The following DNER variants were observed in gnomAD, a reference collection of about 807,000 sequenced individuals.
DNER encodes the protein delta and Notch-like epidermal growth factor-related receptor.
DNER carries 33 observed loss-of-function variants against 78.2 expected under a neutral mutation model. That is an observed-to-expected ratio of 0.42 (90% CI 0.32 to 0.56). The LOEUF is 0.56. Ranked by LOEUF, DNER falls within the 20% of genes least tolerant of loss-of-function variation. The pLI, the probability that DNER is intolerant of heterozygous loss-of-function variation, is 0.11. For synonymous variants in DNER, 417 were observed against 384.8 expected (o/e 1.08, Z -0.98); for missense variants, 918 against 975.3 (o/e 0.94, Z 0.78).
intron 5 of DNER, among the ~76,000 whole-genome samples, chr2:229,526,988 G>T (rs1189974586): frequency 6.6e-6 from 1 of 151,914 alleles, no homozygotes; most frequent in Non-Finnish European, 1.5e-5. Context: ...TACGGTCCTC[G>T]GTGTGGAAGG....
At chr2:229,641,996 G>T (rs7605496) in intron 1 of DNER, among the ~76,000 whole-genome samples, 47,057 of 151,940 alleles carry the variant, frequency 0.31, 8,042 homozygotes, top group African/African-American at 0.45. Context: ...AATCAGAGAA[G>T]GGAGAAACAA....
chr2:229,700,664 C>T (rs1699731276), intron 1 of DNER, among the ~76,000 whole-genome samples: 1 of 151,794 alleles, frequency 6.6e-6, no homozygotes, highest in African/African-American at 2.4e-5. Flanking sequence ...CCTGTAATCC[C>T]AGCACTTTGG....
chr2:229,389,362 A>G (rs1692967112), intron 10 of DNER, among the ~76,000 whole-genome samples: 1 of 142,848 alleles, frequency 7.0e-6, no homozygotes, highest in Non-Finnish European at 1.5e-5. Context: ...CAAAACGCAT[A>G]CACCTCTTAA....
chr2:229,481,091 A>C (rs1448952869), intron 6 of DNER, among the ~76,000 whole-genome samples: 1 of 152,212 alleles, frequency 6.6e-6, no homozygotes, highest in African/African-American at 2.4e-5. Flanking sequence ...ATGGATCTGC[A>C]AAGCCGATGA....
chr2:229,697,473 C>T (rs1699679752), intron 1 of DNER, among the ~76,000 whole-genome samples: 1 of 152,184 alleles, frequency 6.6e-6, no homozygotes, highest in Non-Finnish European at 1.5e-5. Context: ...TGGTTACTTT[C>T]ATATTATGTG....
At chr2:229,483,885 C>A (rs1177685395) in intron 6 of DNER, among the ~76,000 whole-genome samples, 1 of 152,202 alleles carries the variant, frequency 6.6e-6, no homozygotes, top group African/African-American at 2.4e-5. Context: ...TACCTCCCCA[C>A]CCAGAAGGTG....
intron 12 of DNER, among the ~76,000 whole-genome samples, chr2:229,363,927 C>G (rs936134216): frequency 6.6e-6 from 1 of 151,064 alleles, no homozygotes; most frequent in Non-Finnish European, 1.5e-5. Context: ...AAAGCCCCTC[C>G]AGGAATGATG....
chr2:229,682,187 T>C (rs1311508240), intron 1 of DNER, among the ~76,000 whole-genome samples: 1 of 152,212 alleles, frequency 6.6e-6, no homozygotes, highest in Non-Finnish European at 1.5e-5. Flanking sequence ...ATGTGAAAAC[T>C]AGTTCACAAA....
At chr2:229,530,347 G>A (rs562674136) in intron 5 of DNER, among the ~76,000 whole-genome samples, 1 of 152,182 alleles carries the variant, frequency 6.6e-6, no homozygotes, top group African/African-American at 2.4e-5. Context: ...GGGCAACTCT[G>A]GGACATTCCA....
chr2:229,705,188 C>T (rs1489455218), intron 1 of DNER, among the ~76,000 whole-genome samples: 1 of 152,196 alleles, frequency 6.6e-6, no homozygotes, highest in Non-Finnish European at 1.5e-5. Context: ...ATTTCTTCCA[C>T]CACAGAATGT....
In DNER at chr2:229,693,720, A is replaced by C. The variant is rs540081574; in HGVS notation, c.276+20428T>G. Among the ~76,000 whole-genome samples, 4 of 152,294 alleles carry C rather than the reference A, an allele frequency of 2.6e-5. No homozygotes were observed. The East Asian group carries it at 7.7e-4, about 29-fold the overall frequency. ...ACTTTGAACCTGAGAGAGATGATTTAGGGTATCTGGAGAAAGAAATTTCTA... is the reference window on the plus strand; with the variant it reads ...ACTTTGAACCTGAGAGAGATGATTTCGGGTATCTGGAGAAAGAAATTTCTA... On this transcript the variant is annotated intron_variant, in intron 1 of 12. Transcript: ENST00000341772.
chr2:229,516,800 A>AAAAAGAAAAG (rs1294247230), intron 5 of DNER, among the ~76,000 whole-genome samples: 64 of 131,258 alleles, frequency 4.9e-4, no homozygotes, highest in South Asian at 1.2e-3. Flanking sequence ...AAAAAAAAAA[A>AAAAAGAAAAG]AAAAGAAAAG....
At chr2:229,674,549 G>T (rs994583378) in intron 1 of DNER, among the ~76,000 whole-genome samples, 1 of 152,158 alleles carries the variant, frequency 6.6e-6, no homozygotes, top group African/African-American at 2.4e-5. Flanking sequence ...AAAGTGCTAG[G>T]GTTACAGGTG....
At chr2:229,610,527 C>T (rs570772841) in intron 1 of DNER, among the ~76,000 whole-genome samples, 23 of 152,324 alleles carry the variant, frequency 1.5e-4, no homozygotes, top group African/African-American at 5.1e-4. Flanking sequence ...TTTGGCAATG[C>T]GCAGAAATGT....
intron 11 of DNER, among the ~76,000 whole-genome samples, chr2:229,371,350 A>G (rs1046200472): frequency 4.6e-5 from 7 of 152,200 alleles, no homozygotes; most frequent in African/African-American, 1.7e-4. Context: ...ATTGTTGACT[A>G]TGTTTGCTAC....
Position 229,623,413 on chromosome 2 carries a change from G to A in DNER, c.277-31525C>T, listed in dbSNP as rs111235069. Among the ~76,000 whole-genome samples the A allele has an allele frequency of 9.5e-3, 1,452 of 152,214 alleles. 22 individuals are homozygous for A. The highest frequency in any genetic ancestry group is 0.033 in the African/African-American group (1,358 of 41,536). The stretch of plus-strand genomic sequence containing the variant: ...CTGCTCCCCCTCCCATCAGCAGGAA[G>A]GAGCCTTTCCAAGTCTACCATTGGT... On this transcript the variant is annotated intron_variant, in intron 1 of 12. Coordinates refer to ENST00000341772, the MANE Select transcript of DNER (RefSeq NM_139072.4).
intron 1 of DNER, among the ~76,000 whole-genome samples, chr2:229,625,443 G>A (rs1698321316): frequency 1.3e-5 from 2 of 152,008 alleles, no homozygotes; most frequent in African/African-American, 2.4e-5. Context: ...CACTGCTCAG[G>A]TGAACAAAGC....
At position 229,366,496 on chromosome 2, in the gene DNER, C is replaced by T. The variant is rs560878330; in HGVS notation, c.2102+377G>A. On this transcript the variant is annotated intron_variant, in intron 12 of 12. Transcript: ENST00000341772. ...TTATCCTTCTTTTGCTAGGCCCTTA[C>T]GTCAAATGAAATCATTTATATGTTG... 3.1e-4 allele frequency among the ~76,000 whole-genome samples: 47 copies of T among 152,236 alleles called. 1 individual carries two copies. The highest frequency in any genetic ancestry group is 8.3e-4 in the South Asian group (4 of 4,814).
chr2:229,529,948 G>A (rs1696272133), intron 5 of DNER, among the ~76,000 whole-genome samples: 1 of 152,040 alleles, frequency 6.6e-6, no homozygotes, highest in Non-Finnish European at 1.5e-5. Flanking sequence ...GGTCAGGGCT[G>A]CAGTAATCAC....
Sources: gnomAD v4.1 joint callset for allele counts (sites outside exome capture counted in the v4.1 genomes callset) on GRCh38, gnomAD v4.1.1 for gene constraint, MANE v1.5 for transcripts, NCBI Gene and HGNC (gene_info 2026-07-23, HGNC 2026-07-21) for gene names.